Variants in C10orf67 observed in about 807,000 individuals in gnomAD.
C10orf67 encodes the protein chromosome 10 open reading frame 67.
C10orf67 carries 60 observed loss-of-function variants against 35.6 expected under a neutral mutation model. That is an observed-to-expected ratio of 1.68 (90% CI 1.37 to 2.09). The LOEUF is 2.09. Ranked by LOEUF, C10orf67 falls within the 30% of genes most tolerant of loss-of-function variation. The pLI is 0.00. For missense variants in C10orf67, 474 were observed against 330.2 expected (o/e 1.44, Z -3.38); for synonymous variants, 167 against 115.8 (o/e 1.44, Z -2.84).
chr10:23,256,649 CA>C (rs1331612258), intron 10 of C10orf67, among the ~76,000 whole-genome samples: 3 of 151,236 alleles, frequency 2.0e-5, no homozygotes, highest in African/African-American at 7.3e-5. Flanking sequence ...GCTGGGGACA[CA>C]TGTTAAAAGT....
chr10:23,282,532 G>A (rs1159178672), intron 7 of C10orf67, among the ~76,000 whole-genome samples: 1 of 152,158 alleles, frequency 6.6e-6, no homozygotes, highest in Non-Finnish European at 1.5e-5. Context: ...AGAGGCTGAG[G>A]CAGGAGGATT....
chr10:23,240,293 C>T (rs1016823246), intron 12 of C10orf67, among the ~76,000 whole-genome samples: 1 of 152,194 alleles, frequency 6.6e-6, no homozygotes, highest in Admixed American at 6.5e-5. Flanking sequence ...ACCCCTACTG[C>T]CCAGACTCTG....
chr10:23,209,219 C>T (rs12262162), intron 15 of C10orf67, among the ~76,000 whole-genome samples: 3,827 of 152,098 alleles, frequency 0.025, 170 homozygotes, highest in African/African-American at 0.087. Context: ...AAGGATTCAA[C>T]AGGGAATAAC....
At chr10:23,342,218 C>CCACACACA (rs111662364) in intron 1 of C10orf67, among the ~76,000 whole-genome samples, 3,846 of 149,630 alleles carry the variant, frequency 0.026, 91 homozygotes, top group African/African-American at 0.066. Flanking sequence ...TCCCCACTTG[C>CCACACACA]CACACACACA....
At chr10:23,284,803 A>G (rs1843484463) in intron 7 of C10orf67, among the ~76,000 whole-genome samples, 1 of 152,214 alleles carries the variant, frequency 6.6e-6, no homozygotes, top group African/African-American at 2.4e-5. Context: ...AAGGTTTTCT[A>G]GAATCTTCCA....
chr10:23,292,998 TTGTGTG>T (rs35211468), intron 5 of C10orf67, among the ~76,000 whole-genome samples: 1 of 148,700 alleles, frequency 6.7e-6, no homozygotes, highest in East Asian at 2.0e-4. Flanking sequence ...CTAAAAGGTT[TTGTGTG>T]TGTGTGTGTG....
intron 7 of C10orf67, among the ~76,000 whole-genome samples, chr10:23,285,872 A>C (rs1843511583): frequency 6.6e-6 from 1 of 152,254 alleles, no homozygotes; most frequent in African/African-American, 2.4e-5. Context: ...CAATAGCCAC[A>C]TGTGGCCAAG....
At chr10:23,258,724 C>T (rs575125571) in intron 10 of C10orf67, among the ~76,000 whole-genome samples, 53 of 152,262 alleles carry the variant, frequency 3.5e-4, no homozygotes, top group South Asian at 2.1e-4. Context: ...TGAGATCATT[C>T]GGACATGGTC....
At chr10:23,297,772 T>C (rs1417520251) in intron 5 of C10orf67, among the ~76,000 whole-genome samples, 1 of 152,242 alleles carries the variant, frequency 6.6e-6, no homozygotes, top group Non-Finnish European at 1.5e-5. Context: ...AAGTGCGCAG[T>C]CGCAGCACTG....
chr10:23,256,428 C>T (rs1046660279), intron 10 of C10orf67, among the ~76,000 whole-genome samples: 2 of 152,128 alleles, frequency 1.3e-5, no homozygotes, highest in Non-Finnish European at 2.9e-5. Flanking sequence ...CTCTTGAACC[C>T]ATTAGAGAGC....
In C10orf67 at chr10:23,203,987, C is replaced by T. The variant is rs1017620162; in HGVS notation, c.*186G>A. 8.0e-6 allele frequency: 3 copies of T among 376,378 alleles called. No homozygotes were observed. The highest frequency in any genetic ancestry group is 2.1e-5 in the African/African-American group (1 of 48,016). 23.3% of individuals were successfully genotyped at this position (376,378 alleles called of 1,614,324 possible). A position where few individuals can be genotyped will look rare whatever the true frequency, so the allele number is the denominator to read the frequency against. ...TTCCTTAAAGGCGTGGAAAGGAGCG[C>T]GCACAAGGCGCGCATTGAGGTCTAT... On this transcript the variant is annotated 3_prime_UTR_variant, in exon 16 of 16. Transcript: ENST00000636213.
At chr10:23,323,737 C>G (rs1033988787) in intron 2 of C10orf67, among the ~76,000 whole-genome samples, 1 of 149,622 alleles carries the variant, frequency 6.7e-6, no homozygotes, top group Non-Finnish European at 1.5e-5. Context: ...ATGGTGAAAC[C>G]CTGTCTCTAA....
In C10orf67 at chr10:23,258,488, G is replaced by A. The variant is rs187748495; in HGVS notation, c.1200+7774C>T. 7.4e-4 allele frequency: 123 copies of A among 166,028 alleles called. 2 individuals are homozygous for A. The highest frequency in any genetic ancestry group is 2.9e-3 in the Admixed American group (48 of 16,482). 10.3% of individuals were successfully genotyped at this position (166,028 alleles called of 1,614,324 possible). A position where few individuals can be genotyped will look rare whatever the true frequency, so the allele number is the denominator to read the frequency against. On this transcript the variant is annotated intron_variant, in intron 10 of 15. Coordinates refer to ENST00000636213, the MANE Select transcript of C10orf67 (RefSeq NM_001371909.1). ...TCACTGGCAATTTGGTGTTCCTGCC[G>A]AATGCATCCAAAAGCTACCAGGGTT...
chr10:23,263,142 A>G (rs1180117453), intron 10 of C10orf67, among the ~76,000 whole-genome samples: 1 of 152,192 alleles, frequency 6.6e-6, no homozygotes. Context: ...GGTTTTCCCA[A>G]ACTGCTCTGC....
intron 10 of C10orf67, among the ~76,000 whole-genome samples, chr10:23,252,269 A>G (rs1379796882): frequency 6.6e-6 from 1 of 151,908 alleles, no homozygotes. Context: ...CCTTTTTTTC[A>G]AAGTTTTATT....
At chr10:23,271,310 C>T (rs1230896300) in intron 8 of C10orf67, among the ~76,000 whole-genome samples, 1 of 152,198 alleles carries the variant, frequency 6.6e-6, no homozygotes, top group African/African-American at 2.4e-5. Context: ...TTAGACTCCG[C>T]TCTATCTATT....
chr10:23,241,953 A>G (rs1411429699), intron 12 of C10orf67, among the ~76,000 whole-genome samples: 1 of 139,886 alleles, frequency 7.1e-6, no homozygotes, highest in African/African-American at 2.8e-5. Context: ...ATGAAGGCCA[A>G]AGAACTGACA....
intron 4 of C10orf67, among the ~76,000 whole-genome samples, chr10:23,310,905 C>T (rs1564503904): frequency 6.6e-6 from 1 of 152,174 alleles, no homozygotes; most frequent in Non-Finnish European, 1.5e-5. Flanking sequence ...TGGGCTAGTA[C>T]TGGCCAATTA....
At chr10:23,287,946 G>T (rs984664789) in intron 7 of C10orf67, among the ~76,000 whole-genome samples, 3 of 152,102 alleles carry the variant, frequency 2.0e-5, no homozygotes, top group Admixed American at 1.3e-4. Context: ...TCAGAATGGC[G>T]ATTATTAAAA....
Sources: allele counts gnomAD v4.1 joint callset (sites outside exome capture counted in the v4.1 genomes callset), GRCh38; gene constraint gnomAD v4.1.1; transcripts MANE v1.5; gene names NCBI Gene and HGNC (gene_info 2026-07-23, HGNC 2026-07-21).